TSEN2: variants seen among roughly 807,000 people sequenced by gnomAD.
TSEN2 encodes the protein tRNA splicing endonuclease subunit 2.
In TSEN2, 54 loss-of-function variants were observed where a neutral mutation model predicts 59.2. That is an observed-to-expected ratio of 0.91 (90% CI 0.73 to 1.14). TSEN2 has a LOEUF of 1.14. Among genes scored for constraint, TSEN2 ranks in the 50% most tolerant of loss-of-function variants. The pLI is 0.00. For missense variants in TSEN2, 636 were observed against 576.2 expected (o/e 1.10, Z -1.06); for synonymous variants, 195 against 198.2 (o/e 0.98, Z 0.14).
At chr3:12,498,104 A>G (rs1203880277) in intron 4 of TSEN2, among the ~76,000 whole-genome samples, 1 of 151,272 alleles carries the variant, frequency 6.6e-6, no homozygotes, top group Non-Finnish European at 1.5e-5. Flanking sequence ...ATTGATACAT[A>G]ATAGATGTAT....
intron 6 of TSEN2, among the ~76,000 whole-genome samples, chr3:12,508,394 G>A (rs376927929): frequency 3.3e-5 from 5 of 152,284 alleles, no homozygotes; most frequent in South Asian, 2.1e-4. Context: ...GTTAAACCTA[G>A]CTCTACTTGT....
intron 4 of TSEN2, among the ~76,000 whole-genome samples, chr3:12,501,498 G>C (rs1346690795): frequency 1.3e-5 from 2 of 152,090 alleles, no homozygotes; most frequent in African/African-American, 4.8e-5. Flanking sequence ...GACAGCTTTG[G>C]GATTCTTAGG....
chr3:12,491,319 G>A (rs1027830427), intron 2 of TSEN2, among the ~76,000 whole-genome samples: 1 of 152,150 alleles, frequency 6.6e-6, no homozygotes, highest in Non-Finnish European at 1.5e-5. Flanking sequence ...AATCTAAATG[G>A]AGAAAGGGGT....
intron 8 of TSEN2, among the ~76,000 whole-genome samples, chr3:12,525,932 C>T (rs1035036257): frequency 1.3e-5 from 2 of 152,032 alleles, no homozygotes; most frequent in African/African-American, 2.4e-5. Flanking sequence ...ATGATGGCTA[C>T]GATGTCATTA....
intron 4 of TSEN2, among the ~76,000 whole-genome samples, chr3:12,500,488 G>A (rs963877600): frequency 7.2e-5 from 11 of 152,206 alleles, no homozygotes; most frequent in Admixed American, 2.0e-4. Context: ...AGAGCCACAC[G>A]GAAGAGCCAA....
At chr3:12,488,375 A>G (rs2052852684) in intron 1 of TSEN2, among the ~76,000 whole-genome samples, 1 of 152,186 alleles carries the variant, frequency 6.6e-6, no homozygotes, top group Non-Finnish European at 1.5e-5. Flanking sequence ...TCAAGTCTAG[A>G]CCTAGTACTG....
intron 4 of TSEN2, among the ~76,000 whole-genome samples, chr3:12,498,259 G>T (rs2053950854): frequency 6.6e-6 from 1 of 152,118 alleles, no homozygotes; most frequent in African/African-American, 2.4e-5. Flanking sequence ...CGTAATCTGG[G>T]AGGTGTATGT....
At chr3:12,530,107 A>T (rs890934394) in intron 10 of TSEN2, 1 of 1,407,602 alleles carries the variant, frequency 7.1e-7, no homozygotes, top group Non-Finnish European at 9.2e-7. Context: ...CTGAGCTCCA[A>T]TGACGGAGCT....
At chr3:12,523,551 T>TTTTTTTTTTTTTTTTTTTTA in intron 8 of TSEN2, among the ~76,000 whole-genome samples, 1 of 133,884 alleles carries the variant, frequency 7.5e-6, no homozygotes, top group African/African-American at 3.4e-5. Context: ...TTTTTTTTTT[T>TTTTTTTTTTTTTTTTTTTTA]GAGACAAAGT....
At chr3:12,519,024 A>T in intron 7 of TSEN2, 35 bp from the exon 8 acceptor site, 1 of 1,612,354 alleles carries the variant, frequency 6.2e-7, no homozygotes, top group East Asian at 2.2e-5. Flanking sequence ...ATGCATACAT[A>T]GTAATGCTTT....
chr3:12,490,083 C>T, intron 2 of TSEN2, 94 bp downstream of exon 2: 1 of 1,157,976 alleles, frequency 8.6e-7, no homozygotes, highest in Non-Finnish European at 1.3e-6. Flanking sequence ...CCCACACCAA[C>T]CATGAACAAT....
At chr3:12,495,126 C>CAAAAAAAAAA (rs1160986136) in intron 3 of TSEN2, among the ~76,000 whole-genome samples, 1 of 68,688 alleles carries the variant, frequency 1.5e-5, no homozygotes, top group African/African-American at 6.3e-5. Flanking sequence ...ACTCCGTCTC[C>CAAAAAAAAAA]AAAAAAAAAA....
chr3:12,500,682 CT>C (rs1405281579), intron 4 of TSEN2, among the ~76,000 whole-genome samples: 1 of 152,224 alleles, frequency 6.6e-6, no homozygotes, highest in Non-Finnish European at 1.5e-5. Flanking sequence ...TTGAACACTT[CT>C]TATGGGCTAT....
chr3:12,491,464 T>G (rs2053203311), intron 2 of TSEN2, among the ~76,000 whole-genome samples: 1 of 152,178 alleles, frequency 6.6e-6, no homozygotes, highest in Non-Finnish European at 1.5e-5. Flanking sequence ...TCCAAGAGGT[T>G]TTTTTGGACC....
chr3:12,523,639 A>G (rs2125201451), intron 8 of TSEN2, among the ~76,000 whole-genome samples: 1 of 147,262 alleles, frequency 6.8e-6, no homozygotes, highest in South Asian at 2.1e-4. Flanking sequence ...TCCCAGGTTC[A>G]AACCATTCTC....
chr3:12,497,383 G>A (rs2053858782), intron 4 of TSEN2, among the ~76,000 whole-genome samples: 1 of 152,180 alleles, frequency 6.6e-6, no homozygotes, highest in African/African-American at 2.4e-5. Flanking sequence ...TGCAAAATCT[G>A]GCAGCTCCTT....
chr3:12,481,656 G>C (rs2052195314), upstream of TSEN2, among the ~76,000 whole-genome samples: 1 of 152,098 alleles, frequency 6.6e-6, no homozygotes, highest in East Asian at 1.9e-4. Context: ...TAGTGCTGTT[G>C]GCTGCGAGTT....
In TSEN2 at chr3:12,519,075, T is replaced by C. The variant is rs2056402908; in HGVS notation, c.977T>C (p.Val326Ala). 6.2e-7 allele frequency: 1 copy of C among 1,614,212 alleles called. No individual in the cohort carries two copies. Among genetic ancestry groups the C allele is most frequent in the Non-Finnish European group, 8.5e-7 (1 of 1,180,030 alleles). Reference sequence around the variant, plus strand: ...TAACTTTAGGAGCCTTTAACGATAGTGAAGCTCTGGAAAGCTTTCACTGTA... The same window carrying C: ...TAACTTTAGGAGCCTTTAACGATAGCGAAGCTCTGGAAAGCTTTCACTGTA... ...IYYEKEPLTI[V>A]KLWKAFTVVQ... The change falls in exon 8 of 12, where the codon GTG becomes GCG. Residue 326 changes from valine to alanine, a missense_variant. Transcript: ENST00000284995.
intron 2 of TSEN2, among the ~76,000 whole-genome samples, chr3:12,491,534 A>G (rs2053210663): frequency 6.6e-6 from 1 of 152,198 alleles, no homozygotes; most frequent in African/African-American, 2.4e-5. Context: ...TATGTAGAGA[A>G]GAAACTCTGC....
Sources: gnomAD v4.1 joint callset for allele counts (sites outside exome capture counted in the v4.1 genomes callset) on GRCh38, gnomAD v4.1.1 for gene constraint, MANE v1.5 for transcripts, NCBI Gene and HGNC (gene_info 2026-07-23, HGNC 2026-07-21) for gene names.